TBC1D9: variants seen among roughly 807,000 people sequenced by gnomAD.
TBC1D9 encodes the protein TBC1 domain family member 9A.
Under a neutral mutation model 132.0 loss-of-function variants are expected in TBC1D9, and 63 were observed. The observed-to-expected ratio is 0.48, with a 90% CI of 0.39 to 0.59. TBC1D9 has a LOEUF of 0.59. Among genes scored for constraint, TBC1D9 ranks in the 20% least tolerant of loss-of-function variants. The pLI, the probability that TBC1D9 is intolerant of heterozygous loss-of-function variation, is 0.00. For synonymous variants in TBC1D9, 610 were observed against 609.9 expected, an observed-to-expected ratio of 1.00 and a Z score of 0.00; for missense variants, 1,261 against 1,592.7, an observed-to-expected ratio of 0.79 and a Z score of 3.54.
At chr4:140,735,563 A>G (rs1307714868) in intron 1 of TBC1D9, among the ~76,000 whole-genome samples, 1 of 152,052 alleles carries the variant, frequency 6.6e-6, no homozygotes, top group Admixed American at 6.6e-5. Flanking sequence ...ATCACAAAAA[A>G]TTAGCCGGGC....
intron 1 of TBC1D9, among the ~76,000 whole-genome samples, chr4:140,702,251 A>C (rs1738085232): frequency 6.6e-6 from 1 of 152,218 alleles, no homozygotes; most frequent in South Asian, 2.1e-4. Context: ...CCACTTATCC[A>C]GGGTTTACCA....
chr4:140,656,463 G>A (rs1026130426), intron 13 of TBC1D9, among the ~76,000 whole-genome samples: 4 of 152,016 alleles, frequency 2.6e-5, no homozygotes, highest in Non-Finnish European at 4.4e-5. Context: ...ATCTTCCTGC[G>A]CCCAGCTATC....
At chr4:140,754,614 CA>C (rs34471976) in intron 1 of TBC1D9, among the ~76,000 whole-genome samples, 1,015 of 23,132 alleles carry the variant, frequency 0.044, 1 homozygote, top group African/African-American at 0.058. Context: ...GACTCTGTCT[CA>C]AAAAAAAAAA....
rs1737284239 is a variant in TBC1D9 at position 140,657,089 on chromosome 4, A to G, written c.2337+8T>C. The G allele has an allele frequency of 6.2e-7, 1 of 1,612,910 alleles. No homozygotes were observed. The highest frequency in any genetic ancestry group is 1.3e-5 in the African/African-American group (1 of 74,912). On this transcript the variant is annotated splice_region_variant and intron_variant, in intron 13 of 20. Coordinates refer to ENST00000442267, the MANE Select transcript of TBC1D9 (RefSeq NM_015130.3). ...TTAAGCCCTGCTCAGCCAGGAGACA[A>G]GACCTACCTCGTAGGAAGTTCTGAT...
At chr4:140,667,345 G>A (rs1324715613) in intron 9 of TBC1D9, among the ~76,000 whole-genome samples, 1 of 152,112 alleles carries the variant, frequency 6.6e-6, no homozygotes, top group Admixed American at 6.6e-5. Context: ...GTATACACTA[G>A]TTTCCTGGTA....
chr4:140,735,426 T>G (rs938204085), intron 1 of TBC1D9, among the ~76,000 whole-genome samples: 5 of 152,202 alleles, frequency 3.3e-5, no homozygotes, highest in Admixed American at 1.3e-4. Context: ...TAAGCATATA[T>G]GTCAGCTGGG....
intron 1 of TBC1D9, 114 bp downstream of exon 1, chr4:140,755,802 G>A: frequency 7.3e-7 from 1 of 1,364,512 alleles, no homozygotes. Context: ...GAGGCAGGGC[G>A]GGTCGCCCAG....
chr4:140,711,115 T>A (rs914892764), intron 1 of TBC1D9, among the ~76,000 whole-genome samples: 2 of 152,230 alleles, frequency 1.3e-5, no homozygotes, highest in Non-Finnish European at 2.9e-5. Flanking sequence ...CCAAGCCTTG[T>A]GTGATCTAAT....
chr4:140,702,535 A>G (rs1303154984), intron 1 of TBC1D9, among the ~76,000 whole-genome samples: 1 of 152,224 alleles, frequency 6.6e-6, no homozygotes, highest in Non-Finnish European at 1.5e-5. Flanking sequence ...CGGAGAACGC[A>G]CAACCCTGTT....
intron 13 of TBC1D9, chr4:140,645,238 G>A (rs947640134): frequency 1.1e-5 from 6 of 531,586 alleles, no homozygotes; most frequent in African/African-American, 1.9e-5. Flanking sequence ...CTGGCCCGGT[G>A]TCCACACAGT....
intron 13 of TBC1D9, among the ~76,000 whole-genome samples, chr4:140,656,176 C>T (rs1394507768): frequency 2.0e-5 from 3 of 152,130 alleles, no homozygotes; most frequent in Non-Finnish European, 4.4e-5. Flanking sequence ...AAGTAGTTCT[C>T]AATGTAGAAG....
chr4:140,641,342 T>C (rs1736991235), intron 13 of TBC1D9, among the ~76,000 whole-genome samples: 1 of 152,182 alleles, frequency 6.6e-6, no homozygotes, highest in Non-Finnish European at 1.5e-5. Context: ...AAGAGTGCCT[T>C]TGTGAGCCTT....
intron 13 of TBC1D9, among the ~76,000 whole-genome samples, chr4:140,641,511 A>T (rs1194522274): frequency 6.6e-6 from 1 of 152,182 alleles, no homozygotes; most frequent in South Asian, 2.1e-4. Flanking sequence ...CGCCCACATG[A>T]CAGAATTCCA....
chr4:140,718,621 T>A (rs1333961675), intron 1 of TBC1D9, among the ~76,000 whole-genome samples: 2 of 152,124 alleles, frequency 1.3e-5, no homozygotes, highest in Admixed American at 6.5e-5. Context: ...TTCCAGAAGA[T>A]CACCAGGGAA....
chr4:140,710,999 C>T (rs1350755409), intron 1 of TBC1D9, among the ~76,000 whole-genome samples: 2 of 152,180 alleles, frequency 1.3e-5, no homozygotes, highest in Non-Finnish European at 2.9e-5. Flanking sequence ...TTGGCTCATT[C>T]TTTCCCCACG....
chr4:140,622,342 G>A lies in TBC1D9; in HGVS notation c.3654C>T (p.Ala1218=), dbSNP rs749302203. Residue 1218 remains alanine, a synonymous_variant, in exon 21 of 21, where the codon GCC becomes GCT. Transcript: ENST00000442267. ...DWAITFEQFL[A]SLLTEPALVK... is the part of the protein sequence containing the mutation. ...CCAGGGCAGGCTCAGTTAAGAGGGA[G>A]GCCAGGAACTGCTCGAAGGTGATGG... The A allele has an allele frequency of 6.2e-6, 10 of 1,613,680 alleles. 1 individual carries two copies. The South Asian group carries it at 1.1e-4, about 18-fold the overall frequency.
chr4:140,679,410 T>C (rs1241773437), intron 4 of TBC1D9, among the ~76,000 whole-genome samples: 1 of 152,220 alleles, frequency 6.6e-6, no homozygotes, highest in Non-Finnish European at 1.5e-5. Context: ...GTCTACTGAA[T>C]TAATTACACC....
intron 2 of TBC1D9, chr4:140,700,934 G>A (rs62346946): frequency 0.041 from 6,325 of 152,578 alleles, 168 homozygotes; most frequent in Admixed American, 0.082. Context: ...CATGACCTTC[G>A]GACCAGCCAA....
At chr4:140,704,863 A>AG (rs1190162075) in intron 1 of TBC1D9, among the ~76,000 whole-genome samples, 2 of 152,218 alleles carry the variant, frequency 1.3e-5, no homozygotes, top group Non-Finnish European at 2.9e-5. Context: ...CATTAGATGC[A>AG]AGTTCACCAA....
Sources: allele counts gnomAD v4.1 joint callset (sites outside exome capture counted in the v4.1 genomes callset), GRCh38; gene constraint gnomAD v4.1.1; transcripts MANE v1.5; gene names NCBI Gene and HGNC (gene_info 2026-07-23, HGNC 2026-07-21).